The following DBT variants were observed in gnomAD, a reference collection of about 807,000 sequenced individuals.
DBT encodes lipoamide acyltransferase component of branched-chain alpha-keto acid dehydrogenase complex, mitochondrial.
Under a neutral mutation model 51.3 loss-of-function variants are expected in DBT, and 40 were observed. The observed-to-expected ratio is 0.78, with a 90% CI of 0.61 to 1.02. The LOEUF (loss-of-function observed/expected upper bound fraction) is 1.02. Among genes scored for constraint, DBT ranks in the 50% least tolerant of loss-of-function variants. The pLI is 0.00. For synonymous variants in DBT, 181 were observed against 190.4 expected, an observed-to-expected ratio of 0.95 and a Z score of 0.41; for missense variants, 510 against 580.2, an observed-to-expected ratio of 0.88 and a Z score of 1.24.
At position 100,232,463 on chromosome 1, in the gene DBT, T is replaced by C. The variant is rs1397718673; in HGVS notation, c.252-1549A>G. ...CCACATCTGTATTTTGTTTTATTTG[T>C]AACTTTTTGTTTGTAACTTTAAAAA... On this transcript the variant is annotated intron_variant, in intron 3 of 10. Coordinates refer to ENST00000370132, the MANE Select transcript of DBT (RefSeq NM_001918.5). Among the ~76,000 whole-genome samples, 3 of 152,200 alleles carry C rather than the reference T, an allele frequency of 2.0e-5. No homozygotes were observed. The South Asian group carries it at 6.2e-4, about 32-fold the overall frequency.
chr1:100,243,532 G>C (rs956121736), intron 1 of DBT, among the ~76,000 whole-genome samples: 1 of 151,926 alleles, frequency 6.6e-6, no homozygotes, highest in Non-Finnish European at 1.5e-5. Context: ...ATGTTGCCCA[G>C]GGTGCTCTCG....
At chr1:100,216,263 A>ATTCC in intron 5 of DBT, 64 bp from the exon 6 acceptor site, 1 of 1,191,150 alleles carries the variant, frequency 8.4e-7, no homozygotes, top group Non-Finnish European at 1.2e-6. Flanking sequence ...AAAGTTTCAA[A>ATTCC]ATGGAATTTG....
intron 9 of DBT, 61 bp from the exon 10 acceptor site, chr1:100,206,362 G>A (rs1217431351): frequency 1.3e-6 from 2 of 1,559,500 alleles, no homozygotes; most frequent in Non-Finnish European, 1.8e-6. Flanking sequence ...GGGAACAAAT[G>A]CCAAGTGACT....
intron 4 of DBT, among the ~76,000 whole-genome samples, chr1:100,224,225 C>G (rs1474411627): frequency 1.3e-5 from 2 of 152,058 alleles, no homozygotes; most frequent in East Asian, 3.8e-4. Context: ...ATAATTTATA[C>G]TTCTAGAAGA....
intron 7 of DBT, chr1:100,213,501 A>C: frequency 6.5e-7 from 1 of 1,538,882 alleles, no homozygotes; most frequent in Non-Finnish European, 9.0e-7. Flanking sequence ...TATCCTACCA[A>C]CTCTATCGTG....
intron 4 of DBT, among the ~76,000 whole-genome samples, chr1:100,225,271 A>G (rs1663123789): frequency 6.6e-6 from 1 of 151,776 alleles, no homozygotes; most frequent in African/African-American, 2.4e-5. Flanking sequence ...GTTTTCTGTT[A>G]TTAGAGATTA....
intron 2 of DBT, among the ~76,000 whole-genome samples, chr1:100,238,700 A>G (rs1664045308): frequency 6.6e-6 from 1 of 152,044 alleles, no homozygotes; most frequent in South Asian, 2.1e-4. Context: ...GTCTCATATC[A>G]ATGGTTAAGC....
chr1:100,249,721 C>G (rs775866058), intron 1 of DBT, 49 bp downstream of exon 1: 1 of 1,591,638 alleles, frequency 6.3e-7, no homozygotes, highest in Non-Finnish European at 8.6e-7. Context: ...CTGGATGACT[C>G]CGGACAAATC....
At chr1:100,212,521 C>T (rs1662211669) in intron 7 of DBT, among the ~76,000 whole-genome samples, 1 of 146,084 alleles carries the variant, frequency 6.8e-6, no homozygotes, top group Non-Finnish European at 1.5e-5. Context: ...GCCTGGGCAA[C>T]AAAGTGAACC....
At chr1:100,242,543 T>C (rs1664286024) in intron 1 of DBT, among the ~76,000 whole-genome samples, 1 of 152,198 alleles carries the variant, frequency 6.6e-6, no homozygotes, top group Non-Finnish European at 1.5e-5. Context: ...AATATCAACA[T>C]TTTATTTTTA....
chr1:100,249,801 A>G lies in DBT; in HGVS notation c.20T>C (p.Leu7Pro). Residue 7 changes from leucine (L) to proline (P), a missense_variant, in exon 1 of 11, where the codon CTG becomes CCG. Coordinates refer to ENST00000370132, the MANE Select transcript of DBT (RefSeq NM_001918.5). Reference sequence around the variant, plus strand: ...CCCCGCATTCCTGCTCCAGGTTCTCAGCATACGGACTGCAGCCATCTTACC... The same window carrying G: ...CCCCGCATTCCTGCTCCAGGTTCTCGGCATACGGACTGCAGCCATCTTACC... MAAVRM[L>P]RTWSRNAGKL... is the part of the protein sequence containing the mutation. 1 of 1,614,204 alleles carries G rather than the reference A, an allele frequency of 6.2e-7. No homozygotes were observed.
At chr1:100,247,877 G>A (rs999030189) in intron 1 of DBT, among the ~76,000 whole-genome samples, 5 of 151,358 alleles carry the variant, frequency 3.3e-5, no homozygotes, top group Non-Finnish European at 5.9e-5. Flanking sequence ...CAAGGCAGGC[G>A]GATCACTTGA....
chr1:100,213,484 C>A, intron 7 of DBT: 1 of 1,546,210 alleles, frequency 6.5e-7, no homozygotes, highest in Non-Finnish European at 8.9e-7. Flanking sequence ...GCTGGACCGT[C>A]ATCCGCTATC....
intron 7 of DBT, among the ~76,000 whole-genome samples, chr1:100,211,553 TGTTAAA>T (rs1424230383): frequency 2.0e-4 from 31 of 152,332 alleles, no homozygotes; most frequent in African/African-American, 7.2e-4. Context: ...GTCTGGTCCC[TGTTAAA>T]GTTCTTTACA....
chr1:100,225,022 C>CAAAAAA (rs1553231585), intron 4 of DBT, among the ~76,000 whole-genome samples: 5 of 64,836 alleles, frequency 7.7e-5, no homozygotes, highest in African/African-American at 4.4e-4. Flanking sequence ...CGTCTCCCCC[C>CAAAAAA]AAAAAAAAAA....
At chr1:100,237,707 G>A (rs1663964907) in intron 2 of DBT, among the ~76,000 whole-genome samples, 1 of 151,982 alleles carries the variant, frequency 6.6e-6, no homozygotes, top group South Asian at 2.1e-4. Context: ...GGCACAATCA[G>A]CTCATGATAA....
chr1:100,199,276 T>G (rs1405976855), intron 10 of DBT, among the ~76,000 whole-genome samples: 1 of 152,190 alleles, frequency 6.6e-6, no homozygotes, highest in Non-Finnish European at 1.5e-5. Context: ...GTTCTGCCCC[T>G]AAGGTAAAGA....
intron 2 of DBT, among the ~76,000 whole-genome samples, chr1:100,237,539 G>A (rs1179158473): frequency 2.6e-5 from 4 of 152,198 alleles, no homozygotes; most frequent in African/African-American, 9.7e-5. Flanking sequence ...TTCTCTGGCA[G>A]GAGTGTGGTA....
At chr1:100,206,331 A>G in intron 9 of DBT, 30 bp from the exon 10 acceptor site, 1 of 1,579,590 alleles carries the variant, frequency 6.3e-7, no homozygotes, top group Admixed American at 1.7e-5. Flanking sequence ...AAAGGAGAGT[A>G]TTAAAAGTTA....
Sources: gnomAD v4.1 joint callset for allele counts (sites outside exome capture counted in the v4.1 genomes callset) on GRCh38, gnomAD v4.1.1 for gene constraint, MANE v1.5 for transcripts, NCBI Gene and HGNC (gene_info 2026-07-23, HGNC 2026-07-21) for gene names.